The following KNTC1 variants were observed in gnomAD, a reference collection of about 807,000 sequenced individuals.
The protein encoded by KNTC1 is kinetochore associated 1.
In KNTC1, 253 loss-of-function variants were observed where a neutral mutation model predicts 314.4. The observed-to-expected ratio is 0.80, with a 90% CI of 0.73 to 0.89. KNTC1 has a LOEUF of 0.89. KNTC1 is among the 40% of genes least tolerant of loss of function. The probability of loss-of-function intolerance (pLI) is 0.00; values close to 1 mark genes in which losing one functional copy is unlikely to be tolerated. For synonymous variants in KNTC1, 901 were observed against 901.4 expected (o/e 1.00, Z 0.01); for missense variants, 2,475 against 2,572.9 (o/e 0.96, Z 0.82).
At chr12:122,544,086 C>G in intron 7 of KNTC1, 73 bp from the exon 8 acceptor site, 1 of 630,174 alleles carries the variant, frequency 1.6e-6, no homozygotes, top group Non-Finnish European at 2.7e-6. Context: ...TGATTGATAT[C>G]AACTGATTTT....
chr12:122,592,615 G>C (rs1870421627), intron 42 of KNTC1, among the ~76,000 whole-genome samples: 2 of 152,300 alleles, frequency 1.3e-5, no homozygotes, highest in South Asian at 4.1e-4. Flanking sequence ...AGCTGCTCTG[G>C]TGGGGCCTTG....
chr12:122,592,180 G>A (rs965208667), intron 42 of KNTC1, among the ~76,000 whole-genome samples: 19 of 152,360 alleles, frequency 1.2e-4, no homozygotes, highest in Admixed American at 5.2e-4. Flanking sequence ...CAGCGGCTGC[G>A]GAGGGTGTAC....
intron 45 of KNTC1, 122 bp from the exon 46 acceptor site, chr12:122,602,447 C>A: frequency 1.6e-6 from 1 of 609,636 alleles, no homozygotes; most frequent in Non-Finnish European, 2.9e-6. Context: ...GGTTTTGATC[C>A]TCTTTCTGAA....
chr12:122,618,035 G>A (rs550483988), intron 57 of KNTC1, among the ~76,000 whole-genome samples: 8 of 152,170 alleles, frequency 5.3e-5, no homozygotes, highest in South Asian at 2.1e-4. Context: ...ATGGAGTTTC[G>A]CTCTGTCACC....
At chr12:122,547,271 A>G in intron 10 of KNTC1, 144 bp from the exon 11 acceptor site, 1 of 541,594 alleles carries the variant, frequency 1.8e-6, no homozygotes, top group Admixed American at 3.2e-5. Flanking sequence ...GCTACTCAGG[A>G]ATCTGAGGCA....
intron 51 of KNTC1, among the ~76,000 whole-genome samples, chr12:122,606,040 T>A (rs1416454688): frequency 2.0e-5 from 3 of 151,602 alleles, no homozygotes; most frequent in Non-Finnish European, 2.9e-5. Flanking sequence ...TTTGTTTGTT[T>A]TGTAGAGACA....
At chr12:122,531,605 A>G (rs1457770505) in intron 2 of KNTC1, among the ~76,000 whole-genome samples, 1 of 151,226 alleles carries the variant, frequency 6.6e-6, no homozygotes, top group Non-Finnish European at 1.5e-5. Context: ...ATCTCATTGT[A>G]TTTTTTGTCA....
chr12:122,618,488 G>A lies in KNTC1; in HGVS notation c.6092G>A (p.Cys2031Tyr). The change falls in exon 59 of 64, where the codon TGT becomes TAT. Residue 2031 changes from cysteine to tyrosine, a missense_variant. Physicochemically the swap from Cys to Tyr is radical, Grantham distance 194 (BLOSUM62 -2). Transcript: ENST00000333479. Reference protein sequence around the residue: ...VIQIPLLSASCPLSPDQLSDC... With the variant: ...VIQIPLLSASYPLSPDQLSDC... The stretch of plus-strand genomic sequence containing the variant: ...TTTTTTGTTTTGTTTTCAGCCTCTT[G>A]TCCTTTAAGTCCTGATCAGCTGTCA... 1.3e-6 allele frequency: 2 copies of A among 1,599,210 alleles called. No homozygotes were observed. The highest frequency in any genetic ancestry group is 1.7e-6 in the Non-Finnish European group (2 of 1,172,896).
chr12:122,559,176 G>A (rs879679114), intron 18 of KNTC1, among the ~76,000 whole-genome samples: 3 of 146,356 alleles, frequency 2.0e-5, no homozygotes, highest in African/African-American at 4.9e-5. Context: ...GTGAAACCCC[G>A]TCTCTACTAA....
intron 30 of KNTC1, 71 bp downstream of exon 30, chr12:122,577,100 C>A (rs1965081385): frequency 8.1e-7 from 1 of 1,233,984 alleles, no homozygotes; most frequent in Non-Finnish European, 1.1e-6. Flanking sequence ...TTTTTTGAGA[C>A]AGGGTCTCGC....
At chr12:122,624,443 T>C (rs11059028) in intron 62 of KNTC1, among the ~76,000 whole-genome samples, 155 bp from the exon 63 acceptor site, 30,116 of 152,070 alleles carry the variant, frequency 0.2, 3,442 homozygotes, top group East Asian at 0.46. Context: ...TAATTTTATA[T>C]TTTTTGTAGA....
At chr12:122,574,154 A>G (rs1204550367) in intron 26 of KNTC1, 128 bp from the exon 27 acceptor site, 1 of 570,918 alleles carries the variant, frequency 1.8e-6, no homozygotes, top group African/African-American at 1.9e-5. Flanking sequence ...GACTAATTAG[A>G]ATTTTTAGGT....
intron 20 of KNTC1, among the ~76,000 whole-genome samples, chr12:122,564,480 C>A (rs1964175946): frequency 1.3e-5 from 2 of 150,936 alleles, no homozygotes; most frequent in South Asian, 4.3e-4. Flanking sequence ...GGTCCTAAAA[C>A]ATATAAAACT....
In KNTC1 at chr12:122,602,686, C is replaced by T; in HGVS notation, c.4771C>T (p.Leu1591=). Residue 1591 remains leucine, a synonymous_variant, in exon 46 of 64, where the codon CTG becomes TTG. Transcript: ENST00000333479. ...TTTGCCATCAGCTGCCCAAACTAGA[C>T]TGCCTTTTCACCTGATATTCTTTGG... ...ITLPSAAQTR[L]PFHLIFFGTA... 6.2e-7 allele frequency: 1 copy of T among 1,613,876 alleles called. No individual in the cohort carries two copies.
Position 122,547,418 on chromosome 12 carries a change from G to T in KNTC1, c.820G>T (p.Val274Leu). The T allele has an allele frequency of 2.5e-6, 4 of 1,590,988 alleles. No homozygotes were observed. Among genetic ancestry groups the T allele is most frequent in the Non-Finnish European group, 3.4e-6 (4 of 1,159,762 alleles). Reference sequence around the variant, plus strand: ...AAATGAAATGTCTCTATTGCAGAACGTGCTGAGTTTATGGGATATTTACAC... The same window carrying T: ...AAATGAAATGTCTCTATTGCAGAACTTGCTGAGTTTATGGGATATTTACAC... ...NLLFVLDTDN[V>L]LSLWDIYTLT... Residue 274 changes from valine (V) to leucine (L), a missense_variant, in exon 11 of 64, where the codon GTG becomes TTG. By Grantham distance (32) the Val-to-Leu change is conservative (BLOSUM62 1). Transcript: ENST00000333479.
At chr12:122,586,950 G>A (rs1869428347) in intron 38 of KNTC1, among the ~76,000 whole-genome samples, 193 bp downstream of exon 38, 1 of 152,158 alleles carries the variant, frequency 6.6e-6, no homozygotes, top group Non-Finnish European at 1.5e-5. Flanking sequence ...AAGTAGCTGG[G>A]ATTACAGGCG....
In KNTC1 at chr12:122,586,708, G is replaced by A; in HGVS notation, c.3681G>A (p.Lys1227=). 6.8e-7 allele frequency: 1 copy of A among 1,475,540 alleles called. No individual in the cohort carries two copies. The allele number at this position is 1,475,540 out of a possible 1,614,324, so 91.4% of individuals were successfully genotyped here. A position where few individuals can be genotyped will look rare whatever the true frequency, so the allele number is the denominator to read the frequency against. The change falls in exon 38 of 64, where the codon AAG becomes AAA. Residue 1227 remains lysine, a synonymous_variant. Coordinates refer to ENST00000333479, the MANE Select transcript of KNTC1 (RefSeq NM_014708.6). Reference sequence around the variant, plus strand: ...TTTTATTATCTTTTGTAGAAAGCAAGAGATATCCCTTGGAGTCTACCAGTT... The same window carrying A: ...TTTTATTATCTTTTGTAGAAAGCAAAAGATATCCCTTGGAGTCTACCAGTT... ...ISSLVPLAES[K]RYPLESTSLP...
intron 43 of KNTC1, among the ~76,000 whole-genome samples, chr12:122,595,939 G>C (rs1310319855): frequency 6.6e-6 from 1 of 152,146 alleles, no homozygotes; most frequent in Non-Finnish European, 1.5e-5. Flanking sequence ...TAGAATATCA[G>C]AGAGTGACTT....
chr12:122,594,407 G>A (rs1178508791), intron 43 of KNTC1, 22 bp downstream of exon 43: 2 of 1,324,776 alleles, frequency 1.5e-6, no homozygotes, highest in African/African-American at 1.5e-5. Flanking sequence ...AACATTAACG[G>A]TATTTTTGCT....
Sources: gnomAD v4.1 joint callset for allele counts (sites outside exome capture counted in the v4.1 genomes callset) on GRCh38, gnomAD v4.1.1 for gene constraint, MANE v1.5 for transcripts, NCBI Gene and HGNC (gene_info 2026-07-23, HGNC 2026-07-21) for gene names.